Variants in ZC3H18 observed in about 807,000 individuals in gnomAD.
The protein encoded by ZC3H18 is zinc finger CCCH domain-containing protein 18.
In ZC3H18, 8 loss-of-function variants were observed where a neutral mutation model predicts 106.1. The ratio of observed to expected loss-of-function variants is 0.08; its 90% CI spans 0.04 to 0.14. ZC3H18 has a LOEUF of 0.14. Ranked by LOEUF, ZC3H18 falls within the 10% of genes least tolerant of loss-of-function variation. The pLI, the probability that ZC3H18 is intolerant of heterozygous loss-of-function variation, is 1.00. For synonymous variants in ZC3H18, 635 were observed against 522.1 expected, an observed-to-expected ratio of 1.22 and a Z score of -2.95; for missense variants, 1,318 against 1,278.4, an observed-to-expected ratio of 1.03 and a Z score of -0.47.
At chr16:88,571,650 G>C in intron 1 of ZC3H18, 1 of 985,402 alleles carries the variant, frequency 1.0e-6, no homozygotes, top group Non-Finnish European at 1.2e-6. Flanking sequence ...AAGCTTTGTG[G>C]AGTCACTCCA....
chr16:88,570,440 C>T lies in ZC3H18; in HGVS notation c.-141C>T, dbSNP rs895401539. ...TGGCCGGCCCCCGCGGGTAGTGGAGCCCGTTTGTTCCGCCCGTGTCGAGCC... is the reference window on the plus strand; with the variant it reads ...TGGCCGGCCCCCGCGGGTAGTGGAGTCCGTTTGTTCCGCCCGTGTCGAGCC... On this transcript the variant is annotated 5_prime_UTR_variant, in exon 1 of 18. Transcript: ENST00000301011. 1 of 151,824 alleles carries T rather than the reference C, an allele frequency of 6.6e-6. No individual in the cohort carries two copies. The highest frequency in any genetic ancestry group is 2.4e-5 in the African/African-American group (1 of 41,354). 9.4% of individuals were successfully genotyped at this position (151,824 alleles called of 1,614,324 possible).
intron 2 of ZC3H18, among the ~76,000 whole-genome samples, chr16:88,581,114 C>T (rs746452340): frequency 2.6e-5 from 4 of 152,276 alleles, no homozygotes; most frequent in East Asian, 3.9e-4. Context: ...TCTAGAGAGC[C>T]GTTTGATTTG....
intron 6 of ZC3H18, among the ~76,000 whole-genome samples, chr16:88,605,362 A>G (rs537459854): frequency 4.4e-4 from 67 of 152,370 alleles, no homozygotes; most frequent in African/African-American, 1.5e-3. Context: ...TTCAGTGGCC[A>G]GCGTTGCAAC....
intron 1 of ZC3H18, among the ~76,000 whole-genome samples, chr16:88,574,590 C>T (rs1354729761): frequency 6.6e-6 from 1 of 151,018 alleles, no homozygotes; most frequent in African/African-American, 2.4e-5. Context: ...GCAGCCTCAA[C>T]CTCCTAGGAT....
chr16:88,586,689 TTGTC>T lies in ZC3H18; in HGVS notation c.688+8_688+11del, dbSNP rs779800416. On this transcript the variant is annotated splice_donor_region_variant and intron_variant, in intron 3 of 17. Coordinates refer to ENST00000301011, the MANE Select transcript of ZC3H18 (RefSeq NM_144604.4). ...CCTGCCGGTTCTTCATGAAAGGTAA[TTGTC>T]TGCGTGTGAGGCCTTCTCGCAGCCA... 3 of 1,613,998 alleles carry T rather than the reference TTGTC, an allele frequency of 1.9e-6. No homozygotes were observed. Among genetic ancestry groups the T allele is most frequent in the East Asian group, 2.2e-5 (1 of 44,878 alleles).
At chr16:88,575,370 A>G (rs1217985789) in intron 1 of ZC3H18, among the ~76,000 whole-genome samples, 2 of 152,044 alleles carry the variant, frequency 1.3e-5, no homozygotes, top group African/African-American at 4.8e-5. Flanking sequence ...ATCTGTTTCC[A>G]GACCTTGCCG....
At chr16:88,576,192 C>T (rs908898061) in intron 1 of ZC3H18, among the ~76,000 whole-genome samples, 2 of 150,244 alleles carry the variant, frequency 1.3e-5, no homozygotes, top group East Asian at 1.9e-4. Context: ...TGAGCCACCG[C>T]GCCTGGCCTG....
intron 4 of ZC3H18, 43 bp from the exon 5 acceptor site, chr16:88,598,577 A>C (rs771151306): frequency 5.7e-6 from 9 of 1,569,624 alleles, no homozygotes; most frequent in Non-Finnish European, 5.2e-6. Context: ...TGTACACTTG[A>C]AAGTTTTACT....
At chr16:88,619,869 G>A (rs983122901) in intron 8 of ZC3H18, among the ~76,000 whole-genome samples, 14 of 152,196 alleles carry the variant, frequency 9.2e-5, no homozygotes, top group Non-Finnish European at 1.5e-5. Context: ...TGGGGTGTTA[G>A]GATGAGAGTT....
At chr16:88,571,548 G>C in intron 1 of ZC3H18, 1 of 886,270 alleles carries the variant, frequency 1.1e-6, no homozygotes, top group Non-Finnish European at 1.4e-6. Context: ...AGGGCAGTAT[G>C]GAGCCCAGCC....
chr16:88,621,109 G>A (rs545067590), intron 8 of ZC3H18, among the ~76,000 whole-genome samples: 29 of 152,206 alleles, frequency 1.9e-4, no homozygotes, highest in African/African-American at 5.5e-4. Flanking sequence ...CAGTGGCGCA[G>A]TCTCAGCTCA....
intron 2 of ZC3H18, among the ~76,000 whole-genome samples, chr16:88,584,331 AG>A (rs1190980775): frequency 1.3e-5 from 2 of 151,880 alleles, no homozygotes; most frequent in Non-Finnish European, 2.9e-5. Flanking sequence ...CTGAGGCAAG[AG>A]AATTGCTTGA....
At chr16:88,583,974 G>A (rs1323654147) in intron 2 of ZC3H18, among the ~76,000 whole-genome samples, 1 of 152,182 alleles carries the variant, frequency 6.6e-6, no homozygotes, top group Non-Finnish European at 1.5e-5. Flanking sequence ...GACAATCTCA[G>A]ATGACTTCAG....
intron 12 of ZC3H18, 42 bp from the exon 13 acceptor site, chr16:88,625,160 G>A (rs541151781): frequency 4.4e-5 from 69 of 1,554,630 alleles, no homozygotes; most frequent in Admixed American, 1.6e-4. Flanking sequence ...GAGGGGCTGT[G>A]GAGGCCACGC....
At chr16:88,579,550 C>G (rs946392467) in intron 2 of ZC3H18, among the ~76,000 whole-genome samples, 1 of 152,132 alleles carries the variant, frequency 6.6e-6, no homozygotes, top group Non-Finnish European at 1.5e-5. Flanking sequence ...TGGGCGCGGG[C>G]GGTGCGGTAG....
chr16:88,621,171 A>G (rs1054452082), intron 8 of ZC3H18, among the ~76,000 whole-genome samples: 3 of 152,040 alleles, frequency 2.0e-5, no homozygotes, highest in African/African-American at 7.2e-5. Flanking sequence ...CAGCTTCCCA[A>G]GTAGCTGGGA....
At chr16:88,611,608 G>A in intron 8 of ZC3H18, 72 bp downstream of exon 8, 1 of 1,501,400 alleles carries the variant, frequency 6.7e-7, no homozygotes, top group South Asian at 1.3e-5. Flanking sequence ...AGTCCCCCTG[G>A]CCTGCGCTTC....
chr16:88,625,135 GGGAGGGGAGGCCGCGAGGGGCTGT>G, intron 12 of ZC3H18, 43 bp from the exon 13 acceptor site: 1 of 1,533,272 alleles, frequency 6.5e-7, no homozygotes, highest in South Asian at 1.2e-5. Flanking sequence ...GCTGCTGGTG[GGGAGGGGAGGCCGCGAGGGGCTGT>G]GGAGGCCACG....
Position 88,622,281 on chromosome 16 carries a change from C to T in ZC3H18, c.1560C>T (p.Arg520=), listed in dbSNP as rs1906013999. ...KRADEWKDPW[R]RSKSPKKKLG... is the part of the protein sequence containing the mutation. Reference sequence around the variant, plus strand: ...CAGATGAGTGGAAGGACCCTTGGCGCCGATCCAAGTCTCCCAAGAAGAAAC... The same window carrying T: ...CAGATGAGTGGAAGGACCCTTGGCGTCGATCCAAGTCTCCCAAGAAGAAAC... Residue 520 remains arginine (R), a synonymous_variant, in exon 9 of 18, where the codon CGC becomes CGT. Transcript: ENST00000301011. 1 of 1,614,042 alleles carries T rather than the reference C, an allele frequency of 6.2e-7. No individual in the cohort carries two copies. Among genetic ancestry groups the T allele is most frequent in the South Asian group, 1.1e-5 (1 of 91,080 alleles).
Sources: allele counts gnomAD v4.1 joint callset (sites outside exome capture counted in the v4.1 genomes callset), GRCh38; gene constraint gnomAD v4.1.1; transcripts MANE v1.5; gene names NCBI Gene and HGNC (gene_info 2026-07-23, HGNC 2026-07-21).